AJAP1: variants seen among roughly 807,000 people sequenced by gnomAD.
The protein encoded by AJAP1 is adherens junction-associated protein 1.
Under a neutral mutation model 35.0 loss-of-function variants are expected in AJAP1, and 5 were observed. The observed-to-expected ratio is 0.14, with a 90% CI of 0.07 to 0.30. The LOEUF (loss-of-function observed/expected upper bound fraction) is 0.30. AJAP1 is among the 10% of genes least tolerant of loss of function. The probability of loss-of-function intolerance (pLI) is 1.00; values close to 1 mark genes in which losing one functional copy is unlikely to be tolerated. For missense variants in AJAP1, 586 were observed against 571.0 expected, an observed-to-expected ratio of 1.03 and a Z score of -0.27; for synonymous variants, 284 against 249.3, an observed-to-expected ratio of 1.14 and a Z score of -1.31.
chr1:4,780,633 C>CTTTTTT (rs35738488), intron 5 of AJAP1, among the ~76,000 whole-genome samples: 37 of 131,440 alleles, frequency 2.8e-4, no homozygotes, highest in South Asian at 4.9e-4. Flanking sequence ...TTCTTTCTTT[C>CTTTTTT]TTTTTTTTTT....
intron 2 of AJAP1, among the ~76,000 whole-genome samples, chr1:4,717,079 A>G (rs975334089): frequency 1.3e-5 from 2 of 152,214 alleles, no homozygotes; most frequent in East Asian, 1.9e-4. Flanking sequence ...CCAGCCTTCT[A>G]TGACAGCTCT....
chr1:4,772,580 C>A, intron 4 of AJAP1, 55 bp downstream of exon 4: 1 of 1,593,500 alleles, frequency 6.3e-7, no homozygotes, highest in South Asian at 1.1e-5. Context: ...TGCTCCTGAC[C>A]CCCGGGGGCC....
At position 4,790,277 on chromosome 1, in the gene AJAP1, CACAT is replaced by C. The variant is rs1366692951; in HGVS notation, c.*7797_*7800del. The C allele has an allele frequency of 1.3e-5, 2 of 152,244 alleles. No individual in the cohort carries two copies. Among genetic ancestry groups the C allele is most frequent in the Non-Finnish European group, 2.9e-5 (2 of 68,040 alleles). The allele number at this position is 152,244 out of a possible 1,614,324, so 9.4% of individuals were successfully genotyped here. ...AAACACCATTCTCTATTATTTCTCT[CACAT>C]ACATGTGGATTTCTAATATCAAGTT... On this transcript the variant is annotated 3_prime_UTR_variant, in exon 6 of 6. Transcript: ENST00000378191.
At position 4,780,410 on chromosome 1, in the gene AJAP1, CT is replaced by C. The variant is rs1348921688; in HGVS notation, c.*60-2132del. On this transcript the variant is annotated intron_variant, in intron 5 of 5. Coordinates refer to ENST00000378191, the MANE Select transcript of AJAP1 (RefSeq NM_018836.4). ...CAGCATTCGTCTCTACATTTTTTAA[CT>C]TTCAAAAAAATTACCAAGATGGACA... Among the ~76,000 whole-genome samples the C allele has an allele frequency of 1.8e-4, 27 of 151,894 alleles. No individual in the cohort carries two copies. In the East Asian group the frequency reaches 5.0e-3, roughly 28 times the overall value.
intron 1 of AJAP1, among the ~76,000 whole-genome samples, chr1:4,705,394 G>GCTTTT (rs1557617045): frequency 4.5e-5 from 3 of 66,918 alleles, no homozygotes; most frequent in African/African-American, 1.6e-4. Flanking sequence ...GTTTTGAAGA[G>GCTTTT]CTTTTTTTTT....
intron 2 of AJAP1, among the ~76,000 whole-genome samples, chr1:4,743,205 G>C (rs367673): frequency 0.65 from 99,134 of 152,046 alleles, 33,197 homozygotes; most frequent in Non-Finnish European, 0.69. Flanking sequence ...CCCACAGAGT[G>C]ATTTTGGCTC....
intron 2 of AJAP1, among the ~76,000 whole-genome samples, chr1:4,749,957 T>A (rs1641285116): frequency 1.3e-5 from 2 of 152,164 alleles, no homozygotes; most frequent in African/African-American, 2.4e-5. Flanking sequence ...CCCATTCATG[T>A]GTGTGTATGT....
At chr1:4,744,598 C>T (rs988714593) in intron 2 of AJAP1, among the ~76,000 whole-genome samples, 2 of 148,982 alleles carry the variant, frequency 1.3e-5, no homozygotes, top group Admixed American at 6.8e-5. Flanking sequence ...GGCACACATG[C>T]ACATGCACAC....
At chr1:4,753,056 C>T (rs1224514776) in intron 2 of AJAP1, among the ~76,000 whole-genome samples, 1 of 149,286 alleles carries the variant, frequency 6.7e-6, no homozygotes, top group Non-Finnish European at 1.5e-5. Context: ...AAGATGCCAA[C>T]CAGAGAGCCT....
At chr1:4,665,378 C>A (rs1296156980) in intron 1 of AJAP1, among the ~76,000 whole-genome samples, 2 of 152,162 alleles carry the variant, frequency 1.3e-5, no homozygotes, top group Non-Finnish European at 2.9e-5. Flanking sequence ...CTTGATTAAG[C>A]CCCGGTACTG....
At chr1:4,667,470 G>A (rs12133670) in intron 1 of AJAP1, among the ~76,000 whole-genome samples, 29,894 of 152,114 alleles carry the variant, frequency 0.2, 3,734 homozygotes, top group Non-Finnish European at 0.28. Context: ...GGGACAGAGC[G>A]GGTGGATGGT....
rs896107670 is a variant in AJAP1, at chr1:4,788,255, G to A, written c.*5770G>A. ...CATGCTACCAGCCCTTCCTTCCAAA[G>A]AGCATGAAGCATGGCTCTGTGTGGT... On this transcript the variant is annotated 3_prime_UTR_variant, in exon 6 of 6. Coordinates refer to ENST00000378191, the MANE Select transcript of AJAP1 (RefSeq NM_018836.4). The A allele has an allele frequency of 6.3e-6, 1 of 159,276 alleles. No homozygotes were observed. Among genetic ancestry groups the A allele is most frequent in the Admixed American group, 6.4e-5 (1 of 15,658 alleles). 9.9% of individuals were successfully genotyped at this position (159,276 alleles called of 1,614,324 possible).
chr1:4,744,625 G>GCA lies in AJAP1; in HGVS notation c.830-25201_830-25200dup, dbSNP rs34180991. On this transcript the variant is annotated intron_variant, in intron 2 of 5. Transcript: ENST00000378191. Reference sequence around the variant, plus strand: ...CATGCACACATGCCCACATGCATATGCACACACACACACACACACACACAC... The same window carrying GCA: ...CATGCACACATGCCCACATGCATATGCACACACACACACACACACACACACAC... 9.1e-3 allele frequency among the ~76,000 whole-genome samples: 1,369 copies of GCA among 149,806 alleles called. 20 individuals carry two copies. Among genetic ancestry groups the GCA allele is most frequent in the East Asian group, 0.02 (97 of 4,944 alleles).
At chr1:4,770,354 G>A (rs1259823378) in intron 3 of AJAP1, among the ~76,000 whole-genome samples, 1 of 152,204 alleles carries the variant, frequency 6.6e-6, no homozygotes, top group Non-Finnish European at 1.5e-5. Context: ...CTTGGTGGCC[G>A]GTTGCTGAAC....
intron 5 of AJAP1, among the ~76,000 whole-genome samples, chr1:4,779,189 C>A (rs1374987764): frequency 6.6e-6 from 1 of 152,090 alleles, no homozygotes; most frequent in Non-Finnish European, 1.5e-5. Context: ...GGATTTGAGG[C>A]TTGAGATTTG....
chr1:4,731,195 C>T (rs2100298944), intron 2 of AJAP1, among the ~76,000 whole-genome samples: 2 of 152,294 alleles, frequency 1.3e-5, no homozygotes, highest in South Asian at 4.1e-4. Context: ...ATTCTCTTGC[C>T]TCGGCCTCCT....
chr1:4,745,939 C>T (rs536533596), intron 2 of AJAP1, among the ~76,000 whole-genome samples: 1 of 152,284 alleles, frequency 6.6e-6, no homozygotes, highest in East Asian at 1.9e-4. Flanking sequence ...GTGTCTCAGC[C>T]TCTCCCAGCC....
rs75812428 is a variant in AJAP1 at position 4,696,783 on chromosome 1, C to A, written c.30-15117C>A. Among the ~76,000 whole-genome samples, 717 of 152,142 alleles carry A rather than the reference C, an allele frequency of 4.7e-3. 4 individuals are homozygous for A. The highest frequency in any genetic ancestry group is 0.016 in the African/African-American group (680 of 41,438). ...GACTGTGTGTGCATTCAGGCATATT[C>A]TGTGTGCATGTGTGTCTCTGCATGT... On this transcript the variant is annotated intron_variant, in intron 1 of 5. Transcript: ENST00000378191.
At position 4,782,338 on chromosome 1, in the gene AJAP1, T is replaced by C. The variant is rs1272835326; in HGVS notation, c.*60-207T>C. On this transcript the variant is annotated intron_variant, in intron 5 of 5. Transcript: ENST00000378191. The surrounding 1 kb of genome is among the most constrained non-coding windows in gnomAD (Gnocchi z 5.3). ...CTTCATACCCTTGGGATTCCCAGTG[T>C]TTCTTCCAGTTCCTGCTGACCAGTT... Among the ~76,000 whole-genome samples, 1 of 152,136 alleles carries C rather than the reference T, an allele frequency of 6.6e-6. No homozygotes were observed. The highest frequency in any genetic ancestry group is 1.5e-5 in the Non-Finnish European group (1 of 68,020).
Sources: allele counts gnomAD v4.1 joint callset (sites outside exome capture counted in the v4.1 genomes callset), GRCh38; gene constraint gnomAD v4.1.1; non-coding constraint Gnocchi (gnomAD v3.1); transcripts MANE v1.5; gene names NCBI Gene and HGNC (gene_info 2026-07-23, HGNC 2026-07-21).